Variants in PARD3B observed in about 807,000 individuals in gnomAD.
PARD3B encodes par-3 family cell polarity regulator beta, also known as partitioning defective 3 homolog B.
In PARD3B, 103 loss-of-function variants were observed where a neutral mutation model predicts 130.2. That is an observed-to-expected ratio of 0.79 (90% CI 0.67 to 0.93). The LOEUF (loss-of-function observed/expected upper bound fraction) is 0.93. PARD3B is among the 40% of genes least tolerant of loss of function. The pLI, the probability that PARD3B is intolerant of heterozygous loss-of-function variation, is 0.00. For synonymous variants in PARD3B, 583 were observed against 553.2 expected, an observed-to-expected ratio of 1.05 and a Z score of -0.76; for missense variants, 1,609 against 1,499.2, an observed-to-expected ratio of 1.07 and a Z score of -1.21.
rs78055638 is a variant in PARD3B at position 204,976,139 on chromosome 2, A to T, written c.394+10816A>T. Among the ~76,000 whole-genome samples the T allele has an allele frequency of 4.9e-4, 74 of 152,310 alleles. No homozygotes were observed. In the East Asian group the frequency reaches 0.013, roughly 27 times the overall value. On this transcript the variant is annotated intron_variant, in intron 3 of 22. Transcript: ENST00000406610. ...TTAGGCTTTTATCTTAGTACCCAAA[A>T]TATTGTACTTTATATCTTCTCTGAT...
intron 3 of PARD3B, among the ~76,000 whole-genome samples, chr2:205,023,111 G>A (rs910716650): frequency 6.6e-6 from 1 of 152,136 alleles, no homozygotes; most frequent in Non-Finnish European, 1.5e-5. Context: ...CCAAATCTTG[G>A]TGCAGTGCCC....
intron 2 of PARD3B, among the ~76,000 whole-genome samples, chr2:204,842,599 C>T (rs374411917): frequency 1.7e-4 from 26 of 151,944 alleles, no homozygotes; most frequent in African/African-American, 5.8e-4. Flanking sequence ...GGGTTTTTCC[C>T]ATTTAAATTT....
chr2:204,656,361 A>AAAACAAAC (rs3036351), intron 1 of PARD3B, among the ~76,000 whole-genome samples: 16 of 151,438 alleles, frequency 1.1e-4, no homozygotes, highest in African/African-American at 3.4e-4. Flanking sequence ...TACATGATAG[A>AAAACAAAC]AAACAAACAA....
At chr2:204,635,857 T>C (rs907468295) in intron 1 of PARD3B, among the ~76,000 whole-genome samples, 2 of 152,206 alleles carry the variant, frequency 1.3e-5, no homozygotes, top group African/African-American at 4.8e-5. Flanking sequence ...CCCCATCTTA[T>C]TAAAAAATAA....
intron 2 of PARD3B, among the ~76,000 whole-genome samples, chr2:204,955,386 T>C (rs1419372470): frequency 1.3e-5 from 2 of 152,208 alleles, no homozygotes; most frequent in African/African-American, 4.8e-5. Context: ...ACCTCAAGGA[T>C]GGATGGAAGC....
At chr2:204,858,517 G>T (rs1249844654) in intron 2 of PARD3B, among the ~76,000 whole-genome samples, 1 of 148,676 alleles carries the variant, frequency 6.7e-6, no homozygotes. Context: ...AAAAAAAAAG[G>T]AAAATGAAAT....
At chr2:204,796,835 C>G (rs1164194573) in intron 2 of PARD3B, among the ~76,000 whole-genome samples, 5 of 152,148 alleles carry the variant, frequency 3.3e-5, no homozygotes, top group African/African-American at 1.2e-4. Context: ...ATGCCTCTGG[C>G]TATGCTAAAT....
At chr2:205,203,556 A>T (rs1255538740) in intron 15 of PARD3B, among the ~76,000 whole-genome samples, 1 of 152,076 alleles carries the variant, frequency 6.6e-6, no homozygotes, top group Admixed American at 6.6e-5. Flanking sequence ...TCACCCATCA[A>T]CCCATCATCT....
intron 2 of PARD3B, among the ~76,000 whole-genome samples, chr2:204,728,371 A>G (rs1206340831): frequency 2.6e-5 from 4 of 151,944 alleles, no homozygotes; most frequent in South Asian, 2.1e-4. Context: ...GGTGTGGATC[A>G]TGCTCAATGA....
rs1473806147 is a variant in PARD3B, at chr2:205,463,970, T to C, written c.3044+23298T>C. The stretch of plus-strand genomic sequence containing the variant: ...AGGTAACCAGGCAGATTTTATTTCC[T>C]ACCTGCCTGCCACAGAGTTCTGAGT... On this transcript the variant is annotated intron_variant, in intron 20 of 22. Transcript: ENST00000406610. The surrounding 1 kb of genome is among the most constrained non-coding windows in gnomAD (Gnocchi z 4.8). 2.6e-5 allele frequency among the ~76,000 whole-genome samples: 4 copies of C among 152,180 alleles called. No homozygotes were observed. Among genetic ancestry groups the C allele is most frequent in the African/African-American group, 9.6e-5 (4 of 41,452 alleles).
chr2:204,805,612 A>C (rs1034923136), intron 2 of PARD3B, among the ~76,000 whole-genome samples: 1 of 152,174 alleles, frequency 6.6e-6, no homozygotes, highest in African/African-American at 2.4e-5. Flanking sequence ...AAATCAAAAA[A>C]GAAAGCTACA....
chr2:205,211,527 C>T (rs373365985), intron 15 of PARD3B, among the ~76,000 whole-genome samples: 15 of 145,154 alleles, frequency 1.0e-4, no homozygotes, highest in African/African-American at 1.6e-4. Context: ...GGTAAATAAA[C>T]GATAATAACG....
At chr2:205,080,396 T>C (rs895740576) in intron 4 of PARD3B, among the ~76,000 whole-genome samples, 5 of 152,216 alleles carry the variant, frequency 3.3e-5, no homozygotes, top group Admixed American at 2.6e-4. Flanking sequence ...TAGCTTTAAA[T>C]AATATACTTA....
At position 204,545,516 on chromosome 2, in the gene PARD3B, A is replaced by G. The variant is rs1272432503; in HGVS notation, c.-484A>G. Among the ~76,000 whole-genome samples the G allele has an allele frequency of 1.7e-4, 26 of 151,848 alleles. No individual in the cohort carries two copies. Among genetic ancestry groups the G allele is most frequent in the Admixed American group, 1.7e-3 (26 of 15,262 alleles). ...GCGCGGGCGCCGCAGAGGAGTTGGG[A>G]GCCGGCGCAAAAGTTTCCTCCCAAC... On this transcript the variant is annotated 5_prime_UTR_variant, in exon 1 of 23. Transcript: ENST00000406610.
At chr2:204,816,158 C>T (rs543515634) in intron 2 of PARD3B, among the ~76,000 whole-genome samples, 3 of 151,828 alleles carry the variant, frequency 2.0e-5, no homozygotes, top group Non-Finnish European at 4.4e-5. Flanking sequence ...AGTATAAGAA[C>T]CTTGTAATAG....
chr2:205,188,921 CA>C (rs1438609066), intron 14 of PARD3B, among the ~76,000 whole-genome samples: 2 of 151,694 alleles, frequency 1.3e-5, no homozygotes, highest in Non-Finnish European at 2.9e-5. Flanking sequence ...AATGCCTGTA[CA>C]AAATGAAATC....
intron 16 of PARD3B, among the ~76,000 whole-genome samples, chr2:205,271,704 C>A (rs2040732790): frequency 6.6e-6 from 1 of 152,140 alleles, no homozygotes; most frequent in East Asian, 1.9e-4. Flanking sequence ...CAGGGGCCCC[C>A]AAATGTGGAT....
chr2:205,053,065 T>G (rs1159421025), intron 4 of PARD3B, among the ~76,000 whole-genome samples: 5 of 152,080 alleles, frequency 3.3e-5, no homozygotes, highest in Non-Finnish European at 7.4e-5. Context: ...TGAGAGTGCA[T>G]TTTTACAGTG....
At chr2:205,124,880 A>G (rs536380258) in intron 9 of PARD3B, among the ~76,000 whole-genome samples, 6 of 152,216 alleles carry the variant, frequency 3.9e-5, no homozygotes, top group Non-Finnish European at 5.9e-5. Flanking sequence ...TGCTTTGTCC[A>G]TATCCCTATC....
Sources: allele counts gnomAD v4.1 joint callset (sites outside exome capture counted in the v4.1 genomes callset), GRCh38; gene constraint gnomAD v4.1.1; non-coding constraint Gnocchi (gnomAD v3.1); transcripts MANE v1.5; gene names NCBI Gene and HGNC (gene_info 2026-07-23, HGNC 2026-07-21).